NKAIN2: variants seen among roughly 807,000 people sequenced by gnomAD.
The protein encoded by NKAIN2 is sodium/potassium-transporting ATPase subunit beta-1-interacting protein 2.
In NKAIN2, 14 loss-of-function variants were observed where a neutral mutation model predicts 32.6. The ratio of observed to expected loss-of-function variants is 0.43; its 90% CI spans 0.28 to 0.67. NKAIN2 has a LOEUF of 0.67. Among genes scored for constraint, NKAIN2 ranks in the 30% least tolerant of loss-of-function variants. The pLI is 0.17. For missense variants in NKAIN2, 198 were observed against 258.3 expected (o/e 0.77, Z 1.60); for synonymous variants, 80 against 87.2 (o/e 0.92, Z 0.46).
chr6:124,130,549 G>A (rs1222469378), intron 1 of NKAIN2, among the ~76,000 whole-genome samples: 2 of 150,922 alleles, frequency 1.3e-5, no homozygotes, highest in African/African-American at 4.9e-5. Context: ...TTTGTAGATA[G>A]GAATTATTTT....
At chr6:124,354,507 TAAG>T (rs1798878543) in intron 2 of NKAIN2, among the ~76,000 whole-genome samples, 1 of 151,882 alleles carries the variant, frequency 6.6e-6, no homozygotes, top group Admixed American at 6.6e-5. Context: ...AATGATAAAA[TAAG>T]AAGGTGAATG....
chr6:124,683,633 T>C (rs1028436401), intron 4 of NKAIN2, among the ~76,000 whole-genome samples: 10 of 152,154 alleles, frequency 6.6e-5, no homozygotes, highest in African/African-American at 2.4e-4. Flanking sequence ...TTGACCAGTG[T>C]GCGTGCTTGA....
At chr6:124,558,374 A>G (rs1160681980) in intron 3 of NKAIN2, among the ~76,000 whole-genome samples, 1 of 152,148 alleles carries the variant, frequency 6.6e-6, no homozygotes, top group East Asian at 1.9e-4. Context: ...ATTCTAGGTT[A>G]GTCAGTCTCA....
intron 3 of NKAIN2, among the ~76,000 whole-genome samples, chr6:124,603,189 T>G (rs1288148019): frequency 1.3e-5 from 2 of 151,966 alleles, no homozygotes; most frequent in African/African-American, 4.8e-5. Flanking sequence ...CCATACAGCT[T>G]TTATTCACAA....
At chr6:124,346,879 G>A (rs1283611559) in intron 2 of NKAIN2, among the ~76,000 whole-genome samples, 1 of 151,778 alleles carries the variant, frequency 6.6e-6, no homozygotes, top group Non-Finnish European at 1.5e-5. Context: ...CTGTCATTAT[G>A]ATGTTAGCTG....
intron 1 of NKAIN2, among the ~76,000 whole-genome samples, chr6:124,086,038 G>T (rs1156918755): frequency 6.6e-6 from 1 of 151,754 alleles, no homozygotes; most frequent in African/African-American, 2.4e-5. Flanking sequence ...TATAAAAGAA[G>T]GATTTGCATT....
intron 1 of NKAIN2, among the ~76,000 whole-genome samples, chr6:124,060,468 G>A (rs936230268): frequency 5.3e-5 from 8 of 152,150 alleles, no homozygotes; most frequent in Non-Finnish European, 1.2e-4. Flanking sequence ...ACAGGTTGGG[G>A]CAGTGAAGTC....
intron 1 of NKAIN2, among the ~76,000 whole-genome samples, chr6:123,913,037 G>A (rs1775301038): frequency 6.6e-6 from 1 of 152,162 alleles, no homozygotes; most frequent in Non-Finnish European, 1.5e-5. Context: ...CAATATTATA[G>A]TATCTGCTAG....
intron 3 of NKAIN2, among the ~76,000 whole-genome samples, chr6:124,394,389 A>G (rs889895547): frequency 2.0e-5 from 3 of 152,146 alleles, no homozygotes; most frequent in African/African-American, 7.2e-5. Flanking sequence ...AAAAAGTAAA[A>G]CATGACCTCC....
intron 3 of NKAIN2, among the ~76,000 whole-genome samples, chr6:124,556,703 A>G (rs1780489149): frequency 6.6e-6 from 1 of 152,228 alleles, no homozygotes; most frequent in South Asian, 2.1e-4. Context: ...AATTAATGTA[A>G]AATTAGTCCC....
intron 3 of NKAIN2, among the ~76,000 whole-genome samples, chr6:124,408,584 G>A (rs1243094905): frequency 1.3e-5 from 2 of 152,182 alleles, no homozygotes; most frequent in Non-Finnish European, 2.9e-5. Flanking sequence ...GTACCATGCT[G>A]TTTTGGTTAC....
intron 3 of NKAIN2, among the ~76,000 whole-genome samples, chr6:124,384,258 A>T (rs2114386008): frequency 6.6e-6 from 1 of 152,262 alleles, no homozygotes; most frequent in Non-Finnish European, 1.5e-5. Context: ...TTATCACCCG[A>T]TATACCATGG....
intron 3 of NKAIN2, among the ~76,000 whole-genome samples, chr6:124,380,928 T>G (rs1324925365): frequency 2.6e-5 from 4 of 152,260 alleles, no homozygotes; most frequent in African/African-American, 9.6e-5. Context: ...CAAGTAACCT[T>G]TAAAAGACTA....
At chr6:124,602,236 C>A (rs1181838678) in intron 3 of NKAIN2, among the ~76,000 whole-genome samples, 1 of 151,904 alleles carries the variant, frequency 6.6e-6, no homozygotes, top group African/African-American at 2.4e-5. Flanking sequence ...TCAGTCCAGT[C>A]CATGCTTCCT....
intron 3 of NKAIN2, among the ~76,000 whole-genome samples, chr6:124,539,937 T>G (rs997733584): frequency 2.0e-5 from 3 of 152,160 alleles, no homozygotes; most frequent in Non-Finnish European, 2.9e-5. Flanking sequence ...CCCAGGCTGG[T>G]CTCGAACTCC....
At chr6:124,344,817 C>G (rs1317002013) in intron 2 of NKAIN2, among the ~76,000 whole-genome samples, 2 of 152,068 alleles carry the variant, frequency 1.3e-5, no homozygotes, top group East Asian at 1.9e-4. Flanking sequence ...AACTGAATAC[C>G]CTTTATTTCC....
At chr6:124,630,973 C>T (rs545118191) in intron 3 of NKAIN2, among the ~76,000 whole-genome samples, 40 of 152,110 alleles carry the variant, frequency 2.6e-4, no homozygotes, top group Admixed American at 1.3e-4. Context: ...ATAATGTAGC[C>T]GTATTCTACA....
At chr6:124,218,771 C>G (rs1333035701) in intron 1 of NKAIN2, among the ~76,000 whole-genome samples, 1 of 152,074 alleles carries the variant, frequency 6.6e-6, no homozygotes, top group African/African-American at 2.4e-5. Context: ...CTTTTAAATA[C>G]CAGTTACTAG....
At chr6:124,509,893 A>G (rs1049755298) in intron 3 of NKAIN2, among the ~76,000 whole-genome samples, 7 of 152,190 alleles carry the variant, frequency 4.6e-5, no homozygotes, top group Non-Finnish European at 2.9e-5. Context: ...TTTTATGCTT[A>G]TTTCAAAATG....
Sources: gnomAD v4.1 joint callset for allele counts (sites outside exome capture counted in the v4.1 genomes callset) on GRCh38, gnomAD v4.1.1 for gene constraint, MANE v1.5 for transcripts, NCBI Gene and HGNC (gene_info 2026-07-23, HGNC 2026-07-21) for gene names.